Variants in SAMD9L observed in about 807,000 individuals in gnomAD.
SAMD9L encodes the protein sterile alpha motif domain-containing protein 9-like.
Under a neutral mutation model 90.7 loss-of-function variants are expected in SAMD9L, and 68 were observed. The ratio of observed to expected loss-of-function variants is 0.75; its 90% CI spans 0.62 to 0.92. SAMD9L has a LOEUF of 0.92. Among genes scored for constraint, SAMD9L ranks in the 40% least tolerant of loss-of-function variants. The probability of loss-of-function intolerance (pLI) is 0.00; values close to 1 mark genes in which losing one functional copy is unlikely to be tolerated. For synonymous variants in SAMD9L, 640 were observed against 630.1 expected (o/e 1.02, Z -0.23); for missense variants, 1,604 against 1,824.3 (o/e 0.88, Z 2.20).
chr7:93,147,771 A>C (rs894681168), intron 1 of SAMD9L, among the ~76,000 whole-genome samples: 20 of 152,344 alleles, frequency 1.3e-4, no homozygotes, highest in Admixed American at 1.0e-3. Flanking sequence ...GCCTCTGCAG[A>C]GTATTAACTT....
Position 93,134,919 on chromosome 7 carries a change from A to G in SAMD9L, c.1053T>C (p.Asp351=). 3 of 1,613,990 alleles carry G rather than the reference A, an allele frequency of 1.9e-6. No homozygotes were observed. Among genetic ancestry groups the G allele is most frequent in the Non-Finnish European group, 2.5e-6 (3 of 1,179,896 alleles). Residue 351 remains aspartate, a synonymous_variant, in exon 5 of 5, where the codon GAT becomes GAC. Coordinates refer to ENST00000318238, the MANE Select transcript of SAMD9L (RefSeq NM_152703.5). ...CCCGTTGCTTGGAATTGGCCAGGATATCCCTAGAGCTAGCCCCTTCTCTTA... is the reference window on the plus strand; with the variant it reads ...CCCGTTGCTTGGAATTGGCCAGGATGTCCCTAGAGCTAGCCCCTTCTCTTA... ...LFVREGASSR[D]ILANSKQRDV...
At chr7:93,136,091 A>G (rs920771975) in intron 4 of SAMD9L, 100 bp from the exon 5 acceptor site, 5 of 742,864 alleles carry the variant, frequency 6.7e-6, no homozygotes, top group Non-Finnish European at 8.0e-6. Context: ...ATACATATAT[A>G]TATGTATAAT....
chr7:93,138,209 G>T (rs907405305), intron 4 of SAMD9L, among the ~76,000 whole-genome samples: 1 of 152,088 alleles, frequency 6.6e-6, no homozygotes, highest in Non-Finnish European at 1.5e-5. Context: ...AGTCACTTGT[G>T]GGTCTTAAGG....
At chr7:93,148,085 C>T (rs999553423) in intron 1 of SAMD9L, 109 bp downstream of exon 1, 1 of 152,120 alleles carries the variant, frequency 6.6e-6, no homozygotes, top group African/African-American at 2.4e-5. Flanking sequence ...TATAAGTAAT[C>T]GTTTATGTAC....
intron 4 of SAMD9L, among the ~76,000 whole-genome samples, chr7:93,142,898 T>C (rs1442476751): frequency 6.6e-6 from 1 of 152,240 alleles, no homozygotes; most frequent in African/African-American, 2.4e-5. Flanking sequence ...CCCCAAATAC[T>C]ATAAGGAAGA....
chr7:93,147,366 C>T (rs117524026), intron 1 of SAMD9L, among the ~76,000 whole-genome samples: 272 of 152,300 alleles, frequency 1.8e-3, no homozygotes, highest in Middle Eastern at 3.4e-3. Flanking sequence ...TCTTTAGCAA[C>T]GTTGGTTATT....
At chr7:93,141,233 A>C (rs898733855) in intron 4 of SAMD9L, among the ~76,000 whole-genome samples, 1 of 151,636 alleles carries the variant, frequency 6.6e-6, no homozygotes, top group African/African-American at 2.4e-5. Flanking sequence ...TTCTTCCTTA[A>C]CTCTCCACCT....
intron 4 of SAMD9L, among the ~76,000 whole-genome samples, chr7:93,139,913 A>T (rs1267970503): frequency 6.6e-6 from 1 of 152,002 alleles, no homozygotes; most frequent in Non-Finnish European, 1.5e-5. Flanking sequence ...TCCTCACTCC[A>T]TTCATGTTTC....
intron 4 of SAMD9L, among the ~76,000 whole-genome samples, chr7:93,138,431 TCACACA>T (rs34330527): frequency 1.3e-5 from 2 of 150,170 alleles, no homozygotes; most frequent in East Asian, 2.0e-4. Context: ...AGGAAATAAG[TCACACA>T]CACACACACA....
At chr7:93,138,829 G>A (rs1191435009) in intron 4 of SAMD9L, among the ~76,000 whole-genome samples, 2 of 151,924 alleles carry the variant, frequency 1.3e-5, no homozygotes, top group African/African-American at 2.4e-5. Flanking sequence ...TCTCTCTGCC[G>A]AGGCCCTAAG....
intron 4 of SAMD9L, among the ~76,000 whole-genome samples, chr7:93,143,163 C>G (rs1217078882): frequency 6.6e-6 from 1 of 152,124 alleles, no homozygotes; most frequent in Non-Finnish European, 1.5e-5. Flanking sequence ...ATAGAAACAC[C>G]CTTCTCAAAT....
rs141306896 is a variant in SAMD9L, at chr7:93,132,901, G to A, written c.3071C>T (p.Ser1024Phe). The A allele has an allele frequency of 1.2e-5, 20 of 1,613,310 alleles. No individual in the cohort carries two copies. The African/African-American group carries it at 2.4e-4, about 19-fold the overall frequency. ...NILEENLFYD[S>F]GIGRDKFQHD... is the part of the protein sequence containing the mutation. The stretch of plus-strand genomic sequence containing the variant: ...TTGAAATTTGTCTCTTCCTATTCCA[G>A]AATCATAGAATAAATTCTCTTCTAA... Residue 1024 changes from serine (S) to phenylalanine (F), a missense_variant, in exon 5 of 5, where the codon TCT (serine) becomes TTT (phenylalanine). This residue lies in a region of SAMD9L where 302 missense variants were observed against 314.7 expected (regional missense o/e 0.96). Transcript: ENST00000318238.
chr7:93,135,841 C>T lies in SAMD9L; in HGVS notation c.131G>A (p.Gly44Glu), dbSNP rs762289342. The part of the protein sequence containing the change: ...GQILLSEEVT[G>E]LVLQELTEKD... ...CTCAGTTAATTCCTGCAGGACTAAT[C>T]CTGTTACTTCTTCACTGAGCAGAAT... is the stretch of plus-strand genomic sequence containing the variant. The change falls in exon 5 of 5, where the codon GGA (glycine) becomes GAA (glutamate). Residue 44 changes from glycine (G) to glutamate (E), a missense_variant. By Grantham distance (98) the Gly-to-Glu change is moderately conservative. Transcript: ENST00000318238. The T allele has an allele frequency of 6.2e-6, 10 of 1,613,890 alleles. No individual in the cohort carries two copies. The Admixed American group carries it at 6.7e-5, about 11-fold the overall frequency.
In SAMD9L at chr7:93,134,332, A is replaced by G. The variant is rs1490296845; in HGVS notation, c.1640T>C (p.Phe547Ser). 5.6e-6 allele frequency: 9 copies of G among 1,611,110 alleles called. No homozygotes were observed. Among genetic ancestry groups the G allele is most frequent in the Non-Finnish European group, 7.6e-6 (9 of 1,179,248 alleles). Residue 547 changes from phenylalanine (F) to serine (S), a missense_variant, in exon 5 of 5, where the codon TTT becomes TCT. Physicochemically the swap from Phe to Ser is radical, Grantham distance 155 (BLOSUM62 -2). This residue lies in a region of SAMD9L where 606 missense variants were observed against 717.6 expected (regional missense o/e 0.84). Transcript: ENST00000318238. ...IMTRGKFLVV[F>S]LLLSSVESPG... ...GCTTTCCACTGAAGAGAGTAATAGAAACACTACCAAAAATTTTCCTCTTGT... is the reference window on the plus strand; with the variant it reads ...GCTTTCCACTGAAGAGAGTAATAGAGACACTACCAAAAATTTTCCTCTTGT...
At chr7:93,141,313 T>C (rs78609158) in intron 4 of SAMD9L, among the ~76,000 whole-genome samples, 21 of 152,368 alleles carry the variant, frequency 1.4e-4, no homozygotes, top group African/African-American at 4.8e-4. Context: ...TTTCTCCCTA[T>C]GAATCTCATC....
Position 93,133,371 on chromosome 7 carries a change from TC to T in SAMD9L, c.2600del (p.Arg867LysfsTer7). The T allele has an allele frequency of 6.2e-7, 1 of 1,613,700 alleles. No homozygotes were observed. Among genetic ancestry groups the T allele is most frequent in the Non-Finnish European group, 8.5e-7 (1 of 1,179,716 alleles). Reference sequence around the variant, plus strand: ...TTTCCTTCAGTTTGGCACCAAAAGCTCTTTGTTCCTTGGAAGAAAGTTGGTA... The same window carrying T: ...TTTCCTTCAGTTTGGCACCAAAAGCTTTTGTTCCTTGGAAGAAAGTTGGTA... ...LNYQLSSKEQ[R>X]AFGAKLKEIE... is the part of the protein sequence containing the mutation. On this transcript the variant is annotated frameshift_variant, in exon 5 of 5. Coordinates refer to ENST00000318238, the MANE Select transcript of SAMD9L (RefSeq NM_152703.5). LOFTEE classifies it high-confidence loss of function.
chr7:93,134,451 C>T lies in SAMD9L; in HGVS notation c.1521G>A (p.Glu507=). Reference sequence around the variant, plus strand: ...AATGTGGTTCTAGAGGTTTATATGTCTCGCTTTTCAGGTCTGATCTGCCGT... The same window carrying T: ...AATGTGGTTCTAGAGGTTTATATGTTTCGCTTTTCAGGTCTGATCTGCCGT... The part of the protein sequence containing the change: ...FCNGRSDLKS[E]TYKPLEPHLW... Residue 507 remains glutamate, a synonymous_variant, in exon 5 of 5, where the codon GAG becomes GAA. Coordinates refer to ENST00000318238, the MANE Select transcript of SAMD9L (RefSeq NM_152703.5). The T allele has an allele frequency of 3.1e-6, 5 of 1,613,960 alleles. No homozygotes were observed. The highest frequency in any genetic ancestry group is 4.2e-6 in the Non-Finnish European group (5 of 1,179,894).
At position 93,134,472 on chromosome 7, in the gene SAMD9L, G is replaced by C. The variant is rs1399842442; in HGVS notation, c.1500C>G (p.Gly500=). The change falls in exon 5 of 5, where the codon GGC becomes GGG. Residue 500 remains glycine, a synonymous_variant. Transcript: ENST00000318238. ...ATGTCTCGCTTTTCAGGTCTGATCT[G>C]CCGTTGCAGAAAATCCAGCTGGGCT... is the stretch of plus-strand genomic sequence containing the variant. ...YQQPSWIFCN[G]RSDLKSETYK... The C allele has an allele frequency of 6.2e-7, 1 of 1,613,958 alleles. No homozygotes were observed. The highest frequency in any genetic ancestry group is 2.2e-5 in the East Asian group (1 of 44,870).
Position 93,134,036 on chromosome 7 carries a change from C to T in SAMD9L, c.1936G>A (p.Glu646Lys). Residue 646 changes from glutamate (E) to lysine (K), a missense_variant, in exon 5 of 5, where the codon GAG becomes AAG. Physicochemically the swap from Glu to Lys is moderately conservative, Grantham distance 56 (BLOSUM62 1). This residue lies in a region of SAMD9L where 606 missense variants were observed against 717.6 expected (regional missense o/e 0.84). Transcript: ENST00000318238. ...PARGSSSVIL[E>K]KKKEDVLTAL... is the part of the protein sequence containing the mutation. ...GTCAAGACATCCTCTTTCTTTTTCTCTAGGATAACTGAAGAAGATCCACGG... is the reference window on the plus strand; with the variant it reads ...GTCAAGACATCCTCTTTCTTTTTCTTTAGGATAACTGAAGAAGATCCACGG... The T allele has an allele frequency of 6.2e-7, 1 of 1,613,660 alleles. No individual in the cohort carries two copies. Among genetic ancestry groups the T allele is most frequent in the Non-Finnish European group, 8.5e-7 (1 of 1,179,818 alleles).
Sources: gnomAD v4.1 joint callset for allele counts (sites outside exome capture counted in the v4.1 genomes callset) on GRCh38, gnomAD v4.1.1 for gene constraint, gnomAD v4.1.1 regional missense constraint, MANE v1.5 for transcripts, NCBI Gene and HGNC (gene_info 2026-07-23, HGNC 2026-07-21) for gene names.